Variants in SHISA9 observed in about 807,000 individuals in gnomAD.
The protein encoded by SHISA9 is shisa family member 9.
A neutral mutation model predicts 38.0 loss-of-function variants in SHISA9; 13 were observed. That is an observed-to-expected ratio of 0.34 (90% CI 0.22 to 0.54). The LOEUF (loss-of-function observed/expected upper bound fraction) is 0.54, where lower values mean the gene tolerates loss of function less well. SHISA9 is among the 20% of genes least tolerant of loss of function. The pLI, the probability that SHISA9 is intolerant of heterozygous loss-of-function variation, is 0.91. For missense variants in SHISA9, 538 were observed against 575.8 expected (o/e 0.93, Z 0.67); for synonymous variants, 275 against 242.0 (o/e 1.14, Z -1.27).
the SHISA9 span, among the ~76,000 whole-genome samples, chr16:13,288,983 T>A: frequency 6.6e-6 from 1 of 152,066 alleles, no homozygotes; most frequent in Admixed American, 6.5e-5. Flanking sequence ...AATATATGAA[T>A]GAGGTTGGTG....
the SHISA9 span, among the ~76,000 whole-genome samples, chr16:13,334,773 C>CAAAAAAA: frequency 1.0e-5 from 1 of 97,676 alleles, no homozygotes; most frequent in African/African-American, 3.9e-5. Flanking sequence ...GACTCCATCT[C>CAAAAAAA]AAAAAAAAAA....
intron 2 of SHISA9, among the ~76,000 whole-genome samples, chr16:13,048,195 C>G (rs2073208690): frequency 6.6e-6 from 1 of 152,200 alleles, no homozygotes; most frequent in African/African-American, 2.4e-5. Context: ...TTCCCATATA[C>G]TCCTGTTTTG....
At chr16:13,147,937 C>G (rs981467546) in intron 2 of SHISA9, among the ~76,000 whole-genome samples, 1 of 152,166 alleles carries the variant, frequency 6.6e-6, no homozygotes. Flanking sequence ...TACTTTGTGC[C>G]CAGTAAAAGG....
At chr16:12,929,389 T>A (rs557435976) in intron 2 of SHISA9, among the ~76,000 whole-genome samples, 1 of 152,260 alleles carries the variant, frequency 6.6e-6, no homozygotes, top group Non-Finnish European at 1.5e-5. Flanking sequence ...GGAATCAATC[T>A]AAATGCCCAT....
the SHISA9 span, among the ~76,000 whole-genome samples, chr16:13,307,385 G>C: frequency 2.0e-5 from 3 of 152,168 alleles, no homozygotes; most frequent in Non-Finnish European, 4.4e-5. Flanking sequence ...AGGTTTTAAG[G>C]ATTCAGACAT....
chr16:13,426,714 C>T, the SHISA9 span, among the ~76,000 whole-genome samples: 2 of 152,206 alleles, frequency 1.3e-5, no homozygotes, highest in African/African-American at 4.8e-5. Context: ...CTTAGGGCAT[C>T]TTTCAGACCA....
At chr16:13,368,322 T>C in the SHISA9 span, among the ~76,000 whole-genome samples, 1 of 152,138 alleles carries the variant, frequency 6.6e-6, no homozygotes, top group East Asian at 1.9e-4. Context: ...GGTAGTCTCT[T>C]ACTTCTCCAC....
the SHISA9 span, among the ~76,000 whole-genome samples, chr16:13,369,682 AT>A: frequency 1.3e-5 from 2 of 152,160 alleles, no homozygotes; most frequent in Admixed American, 1.3e-4. Flanking sequence ...AACCGCATGC[AT>A]TAAATAAAGA....
chr16:13,406,839 C>T, the SHISA9 span, among the ~76,000 whole-genome samples: 2,101 of 152,118 alleles, frequency 0.014, 44 homozygotes, highest in African/African-American at 0.048. Context: ...GAGGCTGAGG[C>T]GGGCAGATCA....
chr16:13,421,692 C>G, the SHISA9 span, among the ~76,000 whole-genome samples: 1 of 152,160 alleles, frequency 6.6e-6, no homozygotes, highest in Non-Finnish European at 1.5e-5. Flanking sequence ...TAATTTATGT[C>G]ATTTTGTTGT....
intron 2 of SHISA9, among the ~76,000 whole-genome samples, chr16:13,125,075 T>C (rs2050244712): frequency 6.6e-6 from 1 of 152,088 alleles, no homozygotes; most frequent in African/African-American, 2.4e-5. Context: ...TCTTGAGTAA[T>C]ACCCAATAAG....
At chr16:13,005,712 C>T (rs2072589574) in intron 2 of SHISA9, among the ~76,000 whole-genome samples, 1 of 152,194 alleles carries the variant, frequency 6.6e-6, no homozygotes, top group Non-Finnish European at 1.5e-5. Flanking sequence ...ACCCTCCAAT[C>T]CCTGAAACCG....
chr16:13,560,469 G>A, the SHISA9 span, among the ~76,000 whole-genome samples: 1 of 152,128 alleles, frequency 6.6e-6, no homozygotes, highest in Admixed American at 6.5e-5. Context: ...CGGGAGAGGG[G>A]AATGAATACC....
the SHISA9 span, among the ~76,000 whole-genome samples, chr16:13,289,063 G>A: frequency 6.6e-6 from 1 of 152,134 alleles, no homozygotes; most frequent in Non-Finnish European, 1.5e-5. Flanking sequence ...AGAGTGAGTG[G>A]TAAATAGGGT....
the SHISA9 span, among the ~76,000 whole-genome samples, chr16:13,441,686 A>G: frequency 6.6e-6 from 1 of 152,140 alleles, no homozygotes; most frequent in Non-Finnish European, 1.5e-5. Context: ...ACTGCCCTGT[A>G]TGTAAGTCTT....
the SHISA9 span, among the ~76,000 whole-genome samples, chr16:13,363,336 G>A: frequency 1.1e-4 from 16 of 152,266 alleles, no homozygotes; most frequent in Admixed American, 3.9e-4. Flanking sequence ...AGTCTCCTTC[G>A]TTTGCCGTTT....
the SHISA9 span, among the ~76,000 whole-genome samples, chr16:13,498,559 C>T: frequency 6.6e-6 from 1 of 152,042 alleles, no homozygotes; most frequent in African/African-American, 2.4e-5. Context: ...GAGGTTGAGA[C>T]CAACCTGACC....
chr16:12,921,860 G>A (rs990338782), intron 2 of SHISA9, among the ~76,000 whole-genome samples: 3 of 152,204 alleles, frequency 2.0e-5, no homozygotes, highest in Non-Finnish European at 4.4e-5. Context: ...TAAAAAATAT[G>A]TAAGATAGTG....
the SHISA9 span, among the ~76,000 whole-genome samples, chr16:13,443,950 C>T: frequency 3.9e-5 from 6 of 152,238 alleles, no homozygotes; most frequent in Non-Finnish European, 8.8e-5. Flanking sequence ...TTCCAAAGTA[C>T]TTCTTGGCCT....
Sources: gnomAD v4.1 joint callset for allele counts (sites outside exome capture counted in the v4.1 genomes callset) on GRCh38, gnomAD v4.1.1 for gene constraint, MANE v1.5 for transcripts, NCBI Gene and HGNC (gene_info 2026-07-23, HGNC 2026-07-21) for gene names.